Variants in SGCD observed in about 807,000 individuals in gnomAD.
The protein encoded by SGCD is sarcoglycan delta.
SGCD carries 18 observed loss-of-function variants against 36.6 expected under a neutral mutation model. The observed-to-expected ratio is 0.49, with a 90% CI of 0.34 to 0.73. The LOEUF is 0.73. Ranked by LOEUF, SGCD falls within the 30% of genes least tolerant of loss-of-function variation. SGCD has a pLI of 0.01. For missense variants in SGCD, 387 were observed against 346.7 expected (o/e 1.12, Z -0.92); for synonymous variants, 133 against 130.6 (o/e 1.02, Z -0.12).
intron 3 of SGCD, among the ~76,000 whole-genome samples, chr5:156,379,123 G>A (rs1487177441): frequency 2.0e-5 from 3 of 152,022 alleles, no homozygotes; most frequent in Admixed American, 2.0e-4. Context: ...TTCCAAAGAT[G>A]CAAAATAAAA....
intron 1 of SGCD, among the ~76,000 whole-genome samples, chr5:155,925,712 C>T (rs1347930984): frequency 6.6e-6 from 1 of 152,126 alleles, no homozygotes; most frequent in Non-Finnish European, 1.5e-5. Context: ...AACTCCTTGG[C>T]TCAAGGGATC....
At chr5:156,618,644 G>A (rs1034483040) in intron 6 of SGCD, among the ~76,000 whole-genome samples, 2 of 149,436 alleles carry the variant, frequency 1.3e-5, no homozygotes. Flanking sequence ...TGATTTCACT[G>A]CCTAGTAGCG....
chr5:156,140,135 G>C (rs1436039215), intron 3 of SGCD, among the ~76,000 whole-genome samples: 1 of 152,176 alleles, frequency 6.6e-6, no homozygotes, highest in Non-Finnish European at 1.5e-5. Context: ...AGTCTGTGCT[G>C]TTTTGTTACA....
At chr5:155,968,887 A>G (rs761623069) in intron 1 of SGCD, among the ~76,000 whole-genome samples, 11 of 152,234 alleles carry the variant, frequency 7.2e-5, no homozygotes, top group Non-Finnish European at 1.6e-4. Flanking sequence ...ATACAGCAAT[A>G]TATAGTTTTG....
At chr5:156,194,919 C>T (rs939492295) in intron 3 of SGCD, among the ~76,000 whole-genome samples, 12 of 151,948 alleles carry the variant, frequency 7.9e-5, no homozygotes, top group Non-Finnish European at 1.8e-4. Flanking sequence ...ATATTGAACA[C>T]ATAGTATAAT....
At chr5:156,611,389 T>A (rs1238769451) in intron 6 of SGCD, among the ~76,000 whole-genome samples, 1 of 152,242 alleles carries the variant, frequency 6.6e-6, no homozygotes, top group Non-Finnish European at 1.5e-5. Flanking sequence ...GTATTGTTTT[T>A]TTGGCTGACA....
chr5:156,052,610 T>G (rs1759948398), intron 1 of SGCD, among the ~76,000 whole-genome samples: 3 of 145,954 alleles, frequency 2.1e-5, no homozygotes, highest in South Asian at 4.3e-4. Context: ...CAATAGAGTT[T>G]GCAGATAGAA....
chr5:155,847,501 C>G, the SGCD span, among the ~76,000 whole-genome samples: 8 of 152,202 alleles, frequency 5.3e-5, no homozygotes, highest in Admixed American at 3.9e-4. Flanking sequence ...GTTCTATTTC[C>G]CCTTTTCTAT....
chr5:156,017,273 T>C (rs1216372566), intron 1 of SGCD, among the ~76,000 whole-genome samples: 4 of 152,196 alleles, frequency 2.6e-5, no homozygotes, highest in Non-Finnish European at 5.9e-5. Context: ...TTCTTCTTAT[T>C]TTTCATTTGT....
chr5:156,262,797 C>G (rs2127665911), intron 3 of SGCD, among the ~76,000 whole-genome samples: 1 of 152,106 alleles, frequency 6.6e-6, no homozygotes, highest in Middle Eastern at 3.4e-3. Context: ...TTTGGTTTGC[C>G]AATCCTGAGT....
At chr5:156,215,657 T>C (rs866053073) in intron 3 of SGCD, among the ~76,000 whole-genome samples, 5 of 152,234 alleles carry the variant, frequency 3.3e-5, no homozygotes, top group Middle Eastern at 3.4e-3. Flanking sequence ...TTAGAATGGC[T>C]ATTATCAAAA....
At chr5:156,434,452 A>G (rs1450994899) in intron 3 of SGCD, among the ~76,000 whole-genome samples, 3 of 152,194 alleles carry the variant, frequency 2.0e-5, no homozygotes, top group Non-Finnish European at 4.4e-5. Flanking sequence ...AGCCCTTGTC[A>G]TATTGGCCCA....
At chr5:155,813,640 G>A in the SGCD span, among the ~76,000 whole-genome samples, 1 of 152,180 alleles carries the variant, frequency 6.6e-6, no homozygotes, top group African/African-American at 2.4e-5. Flanking sequence ...GAAGGTTTAT[G>A]TAGGTTGACT....
At chr5:156,371,419 G>C (rs1770378907) in intron 3 of SGCD, among the ~76,000 whole-genome samples, 1 of 152,238 alleles carries the variant, frequency 6.6e-6, no homozygotes, top group Admixed American at 6.5e-5. Flanking sequence ...TGTAAGGAGT[G>C]AAAAAACAAG....
chr5:156,608,553 A>G (rs1426209024), intron 6 of SGCD, among the ~76,000 whole-genome samples: 5 of 152,300 alleles, frequency 3.3e-5, no homozygotes, highest in East Asian at 3.9e-4. Context: ...GTAGATGTCT[A>G]TCAGGTCTGC....
chr5:155,748,929 G>A, the SGCD span, among the ~76,000 whole-genome samples: 1 of 152,224 alleles, frequency 6.6e-6, no homozygotes, highest in Non-Finnish European at 1.5e-5. Context: ...AGCAGTAATA[G>A]GAGAGTAAGG....
At chr5:156,089,170 T>C (rs1374540204) in intron 1 of SGCD, among the ~76,000 whole-genome samples, 1 of 152,200 alleles carries the variant, frequency 6.6e-6, no homozygotes. Flanking sequence ...AAAGGTGGGA[T>C]CCCTGGCAAA....
At chr5:156,385,428 G>A (rs1414632568) in intron 3 of SGCD, among the ~76,000 whole-genome samples, 2 of 152,140 alleles carry the variant, frequency 1.3e-5, no homozygotes, top group African/African-American at 4.8e-5. Context: ...ACAGGGTGGG[G>A]GAAGCAACAT....
chr5:155,890,315 C>T (rs1561640038), intron 1 of SGCD, among the ~76,000 whole-genome samples: 1 of 152,096 alleles, frequency 6.6e-6, no homozygotes, highest in South Asian at 2.1e-4. Flanking sequence ...AGATATAAAA[C>T]AGTCTGCAAA....
Sources: allele counts gnomAD v4.1 joint callset (sites outside exome capture counted in the v4.1 genomes callset), GRCh38; gene constraint gnomAD v4.1.1; transcripts MANE v1.5; gene names NCBI Gene and HGNC (gene_info 2026-07-23, HGNC 2026-07-21).